The following PANK1 variants were observed in gnomAD, a reference collection of about 807,000 sequenced individuals.
The protein encoded by PANK1 is pantothenic acid kinase 1.
A neutral mutation model predicts 40.1 loss-of-function variants in PANK1; 18 were observed. The observed-to-expected ratio is 0.45, with a 90% confidence interval of 0.31 to 0.67. The LOEUF is 0.67. Among genes scored for constraint, PANK1 ranks in the 30% least tolerant of loss-of-function variants. The probability of loss-of-function intolerance (pLI) is 0.06; values close to 1 mark genes in which losing one functional copy is unlikely to be tolerated. For synonymous variants in PANK1, 242 were observed against 237.7 expected (o/e 1.02, Z -0.17); for missense variants, 457 against 599.6 (o/e 0.76, Z 2.48).
chr10:89,587,560 T>C (rs1297041595), intron 6 of PANK1, among the ~76,000 whole-genome samples: 1 of 147,938 alleles, frequency 6.8e-6, no homozygotes, highest in East Asian at 2.4e-4. Context: ...TTTATCTTCT[T>C]AATCCACTTT....
intron 1 of PANK1, among the ~76,000 whole-genome samples, chr10:89,629,131 G>T (rs781541775): frequency 6.6e-6 from 1 of 152,222 alleles, no homozygotes; most frequent in Non-Finnish European, 1.5e-5. Flanking sequence ...AGAGTACATA[G>T]ATTCTGAGGG....
chr10:89,614,368 G>A (rs1055327734), intron 1 of PANK1, among the ~76,000 whole-genome samples: 1 of 152,164 alleles, frequency 6.6e-6, no homozygotes, highest in Non-Finnish European at 1.5e-5. Context: ...GTTCACCGCA[G>A]CATCTTTTAC....
intron 1 of PANK1, among the ~76,000 whole-genome samples, chr10:89,617,004 G>A (rs1845340287): frequency 6.6e-6 from 1 of 152,194 alleles, no homozygotes. Context: ...TAGATACATT[G>A]TTACTTCCAG....
chr10:89,590,600 A>G (rs545236933), intron 5 of PANK1, among the ~76,000 whole-genome samples: 5 of 152,284 alleles, frequency 3.3e-5, no homozygotes, highest in Admixed American at 1.3e-4. Context: ...ATGTGTGTAC[A>G]TATATGTGTG....
intron 1 of PANK1, among the ~76,000 whole-genome samples, chr10:89,635,103 G>A (rs1339237355): frequency 6.6e-6 from 1 of 151,942 alleles, no homozygotes; most frequent in East Asian, 1.9e-4. Context: ...AATATTAAAT[G>A]TCTACATGGT....
intron 2 of PANK1, among the ~76,000 whole-genome samples, chr10:89,611,070 A>G (rs867935406): frequency 4.7e-4 from 72 of 152,252 alleles, no homozygotes; most frequent in African/African-American, 1.7e-3. Context: ...TAAATGAGCA[A>G]CGTACAGTTT....
At chr10:89,609,425 G>A (rs1410604817) in intron 2 of PANK1, among the ~76,000 whole-genome samples, 1 of 152,218 alleles carries the variant, frequency 6.6e-6, no homozygotes, top group Admixed American at 6.5e-5. Flanking sequence ...CAAGCTCATG[G>A]TGAGCAGGGG....
chr10:89,606,762 G>A (rs1032034516), intron 2 of PANK1, among the ~76,000 whole-genome samples: 7 of 152,096 alleles, frequency 4.6e-5, no homozygotes, highest in African/African-American at 1.2e-4. Flanking sequence ...GGGTTCAAGC[G>A]ATCCACCCAC....
intron 1 of PANK1, among the ~76,000 whole-genome samples, chr10:89,636,160 G>C (rs1841800401): frequency 6.6e-6 from 1 of 152,136 alleles, no homozygotes; most frequent in Non-Finnish European, 1.5e-5. Context: ...TGCTCTAGGA[G>C]ACTCTCTGCG....
intron 2 of PANK1, among the ~76,000 whole-genome samples, chr10:89,610,914 A>G (rs1845132219): frequency 2.0e-5 from 3 of 152,182 alleles, no homozygotes; most frequent in Admixed American, 2.0e-4. Context: ...AATGAAGACT[A>G]CACAGTACAG....
At chr10:89,593,537 A>T (rs915913342) in intron 4 of PANK1, among the ~76,000 whole-genome samples, 1 of 152,154 alleles carries the variant, frequency 6.6e-6, no homozygotes, top group Non-Finnish European at 1.5e-5. Flanking sequence ...GGGGGGGGAA[A>T]ATTAATGCCT....
chr10:89,611,529 G>T (rs1462789185), intron 2 of PANK1, among the ~76,000 whole-genome samples, 167 bp downstream of exon 2: 1 of 152,162 alleles, frequency 6.6e-6, no homozygotes, highest in African/African-American at 2.4e-5. Flanking sequence ...ACCCTATGAG[G>T]TAGAAGCTGT....
At chr10:89,604,010 G>A (rs1420395982) in intron 2 of PANK1, among the ~76,000 whole-genome samples, 1 of 152,162 alleles carries the variant, frequency 6.6e-6, no homozygotes, top group East Asian at 1.9e-4. Flanking sequence ...ACCCGCTCCT[G>A]ATGCTTTTCC....
At chr10:89,638,378 T>A (rs1841884615) in intron 1 of PANK1, among the ~76,000 whole-genome samples, 1 of 152,206 alleles carries the variant, frequency 6.6e-6, no homozygotes, top group Non-Finnish European at 1.5e-5. Flanking sequence ...GAGTCATTCT[T>A]CCATTGTCCT....
Position 89,645,232 on chromosome 10 carries a change from C to T in PANK1, c.-341G>A, listed in dbSNP as rs748402931. The T allele has an allele frequency of 2.2e-5, 36 of 1,601,058 alleles. No individual in the cohort carries two copies. Among genetic ancestry groups the T allele is most frequent in the Non-Finnish European group, 2.7e-5 (32 of 1,174,586 alleles). ...CGCGACTTCAAACGCGGCTTCCTCG[C>T]CTCCCAGACTGGTCCCCGCCACTGA... On this transcript the variant is annotated 5_prime_UTR_variant, in exon 1 of 7. Transcript: ENST00000307534.
chr10:89,633,389 T>C (rs1248496555), intron 1 of PANK1, among the ~76,000 whole-genome samples: 1 of 152,116 alleles, frequency 6.6e-6, no homozygotes, highest in Non-Finnish European at 1.5e-5. Context: ...ATAAATCACT[T>C]TGGGACCCTT....
intron 3 of PANK1, 30 bp downstream of exon 3, chr10:89,599,221 TG>T: frequency 6.3e-7 from 1 of 1,595,416 alleles, no homozygotes; most frequent in Non-Finnish European, 8.5e-7. Context: ...GAAAGAGGTC[TG>T]GGTTCAAGCA....
intron 2 of PANK1, among the ~76,000 whole-genome samples, chr10:89,601,694 C>T (rs989203333): frequency 7.2e-5 from 11 of 152,170 alleles, no homozygotes; most frequent in Non-Finnish European, 1.5e-4. Context: ...AATAAACATT[C>T]TAAATGACCC....
At chr10:89,618,859 G>C (rs1246873644) in intron 1 of PANK1, among the ~76,000 whole-genome samples, 1 of 152,244 alleles carries the variant, frequency 6.6e-6, no homozygotes, top group Non-Finnish European at 1.5e-5. Flanking sequence ...AATCAGAATG[G>C]AGCTTCCAGC....
Sources: gnomAD v4.1 joint callset for allele counts (sites outside exome capture counted in the v4.1 genomes callset) on GRCh38, gnomAD v4.1.1 for gene constraint, MANE v1.5 for transcripts, NCBI Gene and HGNC (gene_info 2026-07-23, HGNC 2026-07-21) for gene names.